The following NAT10 variants were observed in gnomAD, a reference collection of about 807,000 sequenced individuals.
The protein encoded by NAT10 is N-acetyltransferase 10.
In NAT10, 109 loss-of-function variants were observed where a neutral mutation model predicts 132.2. That is an observed-to-expected ratio of 0.82 (90% CI 0.71 to 0.97). The LOEUF (loss-of-function observed/expected upper bound fraction) is 0.97. Among genes scored for constraint, NAT10 ranks in the 50% least tolerant of loss-of-function variants. NAT10 has a pLI of 0.00. For missense variants in NAT10, 1,184 were observed against 1,263.4 expected (o/e 0.94, Z 0.95); for synonymous variants, 479 against 478.0 (o/e 1.00, Z -0.03).
intron 21 of NAT10, 82 bp from the exon 22 acceptor site, chr11:34,139,109 T>C: frequency 7.7e-7 from 1 of 1,306,794 alleles, no homozygotes; most frequent in Non-Finnish European, 1.1e-6. Context: ...GCCTTTCTTC[T>C]CTGAGTGTTT....
Position 34,120,281 on chromosome 11 carries a change from C to T in NAT10, c.780+1778C>T, listed in dbSNP as rs556860309. Among the ~76,000 whole-genome samples the T allele has an allele frequency of 1.1e-4, 17 of 150,392 alleles. 1 individual carries two copies. The South Asian group carries it at 3.1e-3, about 28-fold the overall frequency. ...TAGATTTGGTACCATTCTGTTATGT[C>T]ATTGGATTTTTCAGAGTTTATAACT... On this transcript the variant is annotated intron_variant, in intron 8 of 28. Transcript: ENST00000257829.
intron 4 of NAT10, among the ~76,000 whole-genome samples, chr11:34,112,830 G>A (rs977654715): frequency 2.6e-5 from 4 of 152,132 alleles, no homozygotes; most frequent in African/African-American, 9.7e-5. Flanking sequence ...GGTGGTCTTT[G>A]TTTTATTCTT....
intron 20 of NAT10, 56 bp downstream of exon 20, chr11:34,136,831 T>TC: frequency 6.2e-7 from 1 of 1,613,520 alleles, no homozygotes; most frequent in Non-Finnish European, 8.5e-7. Flanking sequence ...AAAGAAGAGT[T>TC]CTGTGGGCTG....
In NAT10 at chr11:34,134,344, G is replaced by A. The variant is rs778095767; in HGVS notation, c.1760G>A (p.Arg587His). The A allele has an allele frequency of 1.7e-5, 27 of 1,614,068 alleles. No homozygotes were observed. Among genetic ancestry groups the A allele is most frequent in the African/African-American group, 1.2e-4 (9 of 74,922 alleles). ...GTGTGCCTTGAAGGGGAGATTTCTC[G>A]CCAGTCCATCTTGAACAGTCTGTCT... Reference protein sequence around the residue: ...IQVCLEGEISRQSILNSLSRG... With the variant: ...IQVCLEGEISHQSILNSLSRG... The change falls in exon 17 of 29, where the codon CGC becomes CAC. Residue 587 changes from arginine to histidine, a missense_variant. Coordinates refer to ENST00000257829, the MANE Select transcript of NAT10 (RefSeq NM_024662.3).
intron 24 of NAT10, among the ~76,000 whole-genome samples, chr11:34,140,830 A>T (rs916147142): frequency 6.6e-6 from 1 of 152,028 alleles, no homozygotes; most frequent in Admixed American, 6.5e-5. Context: ...ACCTTAGCAG[A>T]GGTTCAGGAA....
chr11:34,127,360 A>G, intron 11 of NAT10, 103 bp from the exon 12 acceptor site: 1 of 1,258,168 alleles, frequency 7.9e-7, no homozygotes, highest in Non-Finnish European at 1.1e-6. Context: ...AGAAGGAAAC[A>G]GGGAGAGAGA....
chr11:34,116,951 G>A (rs1334206362), intron 6 of NAT10, among the ~76,000 whole-genome samples: 7 of 151,996 alleles, frequency 4.6e-5, no homozygotes, highest in Non-Finnish European at 7.4e-5. Context: ...GGCTGGTGTC[G>A]AACTCCTGAC....
intron 21 of NAT10, chr11:34,138,844 C>G (rs1189772257): frequency 4.2e-6 from 1 of 235,668 alleles, no homozygotes; most frequent in Non-Finnish European, 8.4e-6. Flanking sequence ...GGCGCTTAAG[C>G]CCTAATGACT....
intron 13 of NAT10, 51 bp from the exon 14 acceptor site, chr11:34,131,330 T>TA (rs1336803461): frequency 6.4e-7 from 1 of 1,565,322 alleles, no homozygotes. Flanking sequence ...TTTTAGACAA[T>TA]ACATATTTAA....
Position 34,124,330 on chromosome 11 carries a change from C to G in NAT10, c.1037C>G (p.Ser346Cys). The G allele has an allele frequency of 1.2e-6, 2 of 1,613,776 alleles. No homozygotes were observed. The highest frequency in any genetic ancestry group is 1.7e-6 in the Non-Finnish European group (2 of 1,179,802). ...CATCTGGATTATGAGATTATCCAGT[C>G]TCTAAATCCTGAATTTAACAAAGCA... The part of the protein sequence containing the change: ...QEHLDYEIIQ[S>C]LNPEFNKAVI... Residue 346 changes from serine (S) to cysteine (C), a missense_variant, in exon 11 of 29, where the codon TCT becomes TGT. Transcript: ENST00000257829.
intron 1 of NAT10, 124 bp downstream of exon 1, chr11:34,105,916 T>C (rs16925175): frequency 0.1 from 15,563 of 152,388 alleles, 861 homozygotes; most frequent in African/African-American, 0.15. Flanking sequence ...CCTACGCCGT[T>C]TGTCCTCCAC....
chr11:34,133,718 G>C (rs1427232029), intron 16 of NAT10, among the ~76,000 whole-genome samples: 1 of 152,134 alleles, frequency 6.6e-6, no homozygotes, highest in African/African-American at 2.4e-5. Flanking sequence ...AGCCTCATGA[G>C]CATCCTGTGT....
intron 19 of NAT10, among the ~76,000 whole-genome samples, chr11:34,135,510 C>A (rs1391651505): frequency 6.6e-6 from 1 of 152,202 alleles, no homozygotes; most frequent in Non-Finnish European, 1.5e-5. Context: ...CACTCCAGAC[C>A]TACTGAATCA....
intron 3 of NAT10, among the ~76,000 whole-genome samples, chr11:34,111,611 G>C (rs1851696906): frequency 6.6e-6 from 1 of 152,176 alleles, no homozygotes; most frequent in African/African-American, 2.4e-5. Flanking sequence ...CGGGGAGGAA[G>C]TCCTCTAGGA....
chr11:34,132,803 C>T (rs895165867), intron 15 of NAT10, among the ~76,000 whole-genome samples: 4 of 152,122 alleles, frequency 2.6e-5, no homozygotes, highest in African/African-American at 4.8e-5. Flanking sequence ...CCTCAGTGCT[C>T]GGGGTGAGAG....
chr11:34,121,561 T>TA (rs2132949524), intron 8 of NAT10, among the ~76,000 whole-genome samples: 1 of 152,104 alleles, frequency 6.6e-6, no homozygotes, highest in South Asian at 2.1e-4. Context: ...TGCATGTGTA[T>TA]AAAAGTCTGG....
At chr11:34,131,589 C>G in intron 14 of NAT10, 58 bp downstream of exon 14, 1 of 1,526,148 alleles carries the variant, frequency 6.6e-7, no homozygotes. Context: ...TGAAAGAATT[C>G]AAAGGACTTG....
intron 11 of NAT10, among the ~76,000 whole-genome samples, chr11:34,127,088 G>A (rs1206943994): frequency 6.6e-6 from 1 of 152,018 alleles, no homozygotes; most frequent in Non-Finnish European, 1.5e-5. Context: ...AAAGGAAAGG[G>A]AGCCACCATC....
In NAT10 at chr11:34,142,433, C is replaced by T. The variant is rs74490159; in HGVS notation, c.2885+85C>T. ...ACACGTTTCTTCTAATCATATCCCA[C>T]GTGCCCTGGAAAGTGTCTTTCATGG... On this transcript the variant is annotated intron_variant, in intron 27 of 28. Coordinates refer to ENST00000257829, the MANE Select transcript of NAT10 (RefSeq NM_024662.3). 342 of 1,188,684 alleles carry T rather than the reference C, an allele frequency of 2.9e-4. No homozygotes were observed. In the East Asian group the frequency reaches 6.4e-3, roughly 22 times the overall value. 73.6% of individuals were successfully genotyped at this position (1,188,684 alleles called of 1,614,324 possible).
Sources: gnomAD v4.1 joint callset for allele counts (sites outside exome capture counted in the v4.1 genomes callset) on GRCh38, gnomAD v4.1.1 for gene constraint, MANE v1.5 for transcripts, NCBI Gene and HGNC (gene_info 2026-07-23, HGNC 2026-07-21) for gene names.